The following TSPEAR variants were observed in gnomAD, a reference collection of about 807,000 sequenced individuals.
The protein encoded by TSPEAR is thrombospondin type laminin G domain and EAR repeats.
Under a neutral mutation model 71.6 loss-of-function variants are expected in TSPEAR, and 69 were observed. That is an observed-to-expected ratio of 0.96 (90% CI 0.79 to 1.18). The LOEUF (loss-of-function observed/expected upper bound fraction) is 1.18. Among genes scored for constraint, TSPEAR ranks in the 50% most tolerant of loss-of-function variants. TSPEAR has a pLI of 0.00. For synonymous variants in TSPEAR, 402 were observed against 387.2 expected (o/e 1.04, Z -0.45); for missense variants, 971 against 894.9 (o/e 1.09, Z -1.09).
chr21:44,528,760 C>T (rs975457871), intron 5 of TSPEAR, among the ~76,000 whole-genome samples, 177 bp from the exon 6 acceptor site: 1 of 152,236 alleles, frequency 6.6e-6, no homozygotes, highest in African/African-American at 2.4e-5. Context: ...GAATTGAGAA[C>T]CTGGCCTACC....
At chr21:44,657,403 G>T (rs1304965516) in intron 1 of TSPEAR, among the ~76,000 whole-genome samples, 5 of 152,178 alleles carry the variant, frequency 3.3e-5, no homozygotes, top group Non-Finnish European at 5.9e-5. Context: ...GCATGTTACA[G>T]TCTCTTCCAT....
chr21:44,553,130 G>A (rs1035208420), intron 2 of TSPEAR, among the ~76,000 whole-genome samples: 2 of 152,246 alleles, frequency 1.3e-5, no homozygotes, highest in Non-Finnish European at 2.9e-5. Context: ...ATGTGGCTGC[G>A]CCAGGGAGCA....
intron 1 of TSPEAR, among the ~76,000 whole-genome samples, chr21:44,597,799 CA>C (rs1362217551): frequency 6.6e-6 from 1 of 152,084 alleles, no homozygotes; most frequent in East Asian, 1.9e-4. Context: ...ACTTTTTATT[CA>C]GACCAACAAT....
intron 1 of TSPEAR, among the ~76,000 whole-genome samples, chr21:44,675,376 C>A (rs1214943929): frequency 6.6e-6 from 1 of 152,160 alleles, no homozygotes; most frequent in East Asian, 1.9e-4. Flanking sequence ...AATTCAATAT[C>A]CTTCATGATA....
At chr21:44,532,071 TA>T (rs2052984030) in intron 3 of TSPEAR, among the ~76,000 whole-genome samples, 1 of 152,250 alleles carries the variant, frequency 6.6e-6, no homozygotes, top group South Asian at 2.1e-4. Flanking sequence ...CGGCCTCTGC[TA>T]GGGTCCAGGC....
intron 1 of TSPEAR, among the ~76,000 whole-genome samples, chr21:44,572,423 G>A (rs1179137704): frequency 2.0e-5 from 3 of 152,068 alleles, no homozygotes; most frequent in East Asian, 3.9e-4. Context: ...TGTGAACCCC[G>A]CTTTTCAGCC....
At chr21:44,600,635 C>G (rs1555928349) in intron 1 of TSPEAR, 1 of 1,613,486 alleles carries the variant, frequency 6.2e-7, no homozygotes, top group African/African-American at 1.3e-5. Context: ...GCTGCGTCCA[C>G]TATGTCTGTC....
At chr21:44,637,895 G>A in intron 1 of TSPEAR, 3 of 1,529,706 alleles carry the variant, frequency 2.0e-6, no homozygotes, top group East Asian at 2.4e-5. Flanking sequence ...CTATGTGCCT[G>A]TGTGCTCTGG....
At chr21:44,535,918 GAAAAA>G (rs57116003) in intron 2 of TSPEAR, among the ~76,000 whole-genome samples, 1 of 145,014 alleles carries the variant, frequency 6.9e-6, no homozygotes, top group Non-Finnish European at 1.5e-5. Context: ...AAGGAAAAAA[GAAAAA>G]AAAAAACTAT....
chr21:44,658,184 TC>T, intron 1 of TSPEAR: 1 of 1,614,156 alleles, frequency 6.2e-7, no homozygotes, highest in Non-Finnish European at 8.5e-7. Flanking sequence ...TGTGACTCCC[TC>T]TTGCCAATCT....
At chr21:44,629,327 T>C (rs587712648) in intron 1 of TSPEAR, among the ~76,000 whole-genome samples, 1 of 152,244 alleles carries the variant, frequency 6.6e-6, no homozygotes, top group East Asian at 1.9e-4. Flanking sequence ...TCCCTCACAG[T>C]CCTGGGGCTG....
intron 1 of TSPEAR, among the ~76,000 whole-genome samples, chr21:44,685,777 G>A (rs1376100072): frequency 6.6e-6 from 1 of 152,194 alleles, no homozygotes; most frequent in East Asian, 1.9e-4. Context: ...GGATCCCAGA[G>A]TGAAACTAAG....
At chr21:44,565,406 TAAGAA>T (rs2146066227) in intron 2 of TSPEAR, among the ~76,000 whole-genome samples, 2 of 152,206 alleles carry the variant, frequency 1.3e-5, no homozygotes, top group South Asian at 4.1e-4. Flanking sequence ...AAAGACATCA[TAAGAA>T]AAGAAAACTA....
chr21:44,702,107 C>A, intron 1 of TSPEAR: 2 of 972,084 alleles, frequency 2.1e-6, no homozygotes, highest in Non-Finnish European at 3.0e-6. Context: ...AGGGAAACTT[C>A]ACCCAGGAGA....
rs143814541 is a variant in TSPEAR, at chr21:44,527,402, G to A, written c.1039C>T (p.Arg347Cys). The A allele has an allele frequency of 9.9e-6, 16 of 1,614,100 alleles. No homozygotes were observed. Among genetic ancestry groups the A allele is most frequent in the Middle Eastern group, 1.6e-4 (1 of 6,084 alleles). Residue 347 changes from arginine to cysteine, a missense_variant, in exon 7 of 12, where the codon CGC becomes TGC. Transcript: ENST00000323084. ...TTGTAGACGGCGGATGTGGCTTTGC[G>A]ATTGGCTGTGGCCACAAAGAGCCCC... The part of the protein sequence containing the change: ...QVGLFVATAN[R>C]KATSAVYKWT...
In TSPEAR at chr21:44,642,569, C is replaced by T. The variant is rs1331404614; in HGVS notation, c.82+68864G>A. ...TCAAAAAATTAAAAATGGGGCCGGG[C>T]GCAGTGGCTCATGCCTGTAATCCCA... On this transcript the variant is annotated intron_variant, in intron 1 of 11. Coordinates refer to ENST00000323084, the MANE Select transcript of TSPEAR (RefSeq NM_144991.3). This position sits in a 1 kb window ranked among gnomAD's most constrained non-coding sequence, Gnocchi z 4.1. Among the ~76,000 whole-genome samples the T allele has an allele frequency of 4.6e-5, 7 of 152,304 alleles. No individual in the cohort carries two copies. The highest frequency in any genetic ancestry group is 2.1e-4 in the South Asian group (1 of 4,824).
At chr21:44,659,315 A>C in intron 1 of TSPEAR, among the ~76,000 whole-genome samples, 1 of 123,144 alleles carries the variant, frequency 8.1e-6, no homozygotes, top group Non-Finnish European at 1.6e-5. Flanking sequence ...CACCCTAAGC[A>C]CAAGCACTGA....
rs782421768 is a variant in TSPEAR, at chr21:44,601,441, G to A, written c.83-33436C>T. 7.3e-5 allele frequency: 118 copies of A among 1,611,046 alleles called. 1 individual carries two copies. The East Asian group carries it at 2.6e-3, about 36-fold the overall frequency. On this transcript the variant is annotated intron_variant, in intron 1 of 11. Transcript: ENST00000323084. ...CTGCGTGCCCGTCTGCTGTAAGCCT[G>A]TGTGCTGTGTGCCCGTCTGCTCTGG...
chr21:44,658,038 G>T (rs781989672), intron 1 of TSPEAR: 108 of 1,613,766 alleles, frequency 6.7e-5, no homozygotes, highest in Non-Finnish European at 8.6e-5. Flanking sequence ...CACAGCCCCT[G>T]CCAGGCATCC....
Sources: gnomAD v4.1 joint callset for allele counts (sites outside exome capture counted in the v4.1 genomes callset) on GRCh38, gnomAD v4.1.1 for gene constraint, Gnocchi (gnomAD v3.1) non-coding constraint, MANE v1.5 for transcripts, NCBI Gene and HGNC (gene_info 2026-07-23, HGNC 2026-07-21) for gene names.